The following ENTPD7 variants were observed in gnomAD, a reference collection of about 807,000 sequenced individuals.
The protein encoded by ENTPD7 is NTPDase 7.
Under a neutral mutation model 77.9 loss-of-function variants are expected in ENTPD7, and 53 were observed. The ratio of observed to expected loss-of-function variants is 0.68; its 90% CI spans 0.55 to 0.85. The LOEUF is 0.85. Among genes scored for constraint, ENTPD7 ranks in the 40% least tolerant of loss-of-function variants. ENTPD7 has a pLI of 0.00. For synonymous variants in ENTPD7, 248 were observed against 274.9 expected (o/e 0.90, Z 0.97); for missense variants, 636 against 743.7 (o/e 0.86, Z 1.68).
intron 3 of ENTPD7, among the ~76,000 whole-genome samples, chr10:99,670,000 C>T (rs570415102): frequency 3.6e-4 from 55 of 152,060 alleles, no homozygotes; most frequent in African/African-American, 1.2e-3. Flanking sequence ...CCACCCGCCT[C>T]GGCCTCCCAA....
chr10:99,704,449 T>C lies in ENTPD7; in HGVS notation c.1584-3T>C, dbSNP rs1192842086. ...CACCTACAAATTCTTAATTCTTCCC[T>C]AGGGATCTTCGGCAGGAAGGTGTCC... On this transcript the variant is annotated splice_polypyrimidine_tract_variant and splice_region_variant and intron_variant, in intron 12 of 12. Transcript: ENST00000370489. The C allele has an allele frequency of 1.2e-6, 2 of 1,614,154 alleles. No homozygotes were observed. The highest frequency in any genetic ancestry group is 1.7e-6 in the Non-Finnish European group (2 of 1,179,968).
At chr10:99,693,473 A>C (rs912517843) in intron 8 of ENTPD7, among the ~76,000 whole-genome samples, 3 of 152,218 alleles carry the variant, frequency 2.0e-5, no homozygotes, top group African/African-American at 7.2e-5. Context: ...AAACGAAGGC[A>C]TGGATCTGAT....
At chr10:99,690,665 CCT>C (rs1406419944) in intron 7 of ENTPD7, among the ~76,000 whole-genome samples, 1 of 152,040 alleles carries the variant, frequency 6.6e-6, no homozygotes, top group East Asian at 1.9e-4. Context: ...GCCTCAGCCC[CCT>C]GAGTAGTTGG....
intron 3 of ENTPD7, among the ~76,000 whole-genome samples, chr10:99,672,307 CTT>C (rs35775014): frequency 1.0e-4 from 14 of 138,630 alleles, no homozygotes; most frequent in Admixed American, 2.9e-4. Context: ...GTTACTTGAT[CTT>C]TTTTTTTTTT....
At chr10:99,700,105 G>A (rs878953560) in intron 10 of ENTPD7, among the ~76,000 whole-genome samples, 1 of 152,038 alleles carries the variant, frequency 6.6e-6, no homozygotes, top group Non-Finnish European at 1.5e-5. Context: ...CTGTTTTTCT[G>A]GAGCCCAGAG....
At chr10:99,701,424 A>C (rs1452977018) in intron 11 of ENTPD7, among the ~76,000 whole-genome samples, 1 of 151,442 alleles carries the variant, frequency 6.6e-6, no homozygotes, top group Non-Finnish European at 1.5e-5. Context: ...AGTAGCTGGG[A>C]CTATAGGCAC....
In ENTPD7 at chr10:99,661,505, C is replaced by A. The variant is rs2035486529; in HGVS notation, c.68C>A (p.Pro23Gln). 2 of 1,613,872 alleles carry A rather than the reference C, an allele frequency of 1.2e-6. No homozygotes were observed. The highest frequency in any genetic ancestry group is 1.7e-6 in the Non-Finnish European group (2 of 1,179,950). Residue 23 changes from proline (P) to glutamine (Q), a missense_variant, in exon 3 of 13, where the codon CCA (proline) becomes CAA (glutamine). Physicochemically the swap from Pro to Gln is moderately conservative, Grantham distance 76. Coordinates refer to ENST00000370489, the MANE Select transcript of ENTPD7 (RefSeq NM_020354.5). ...SWYFTVPTVS[P>Q]FLRQRVAFLG... ...TACTTCACTGTGCCCACAGTGAGTC[C>A]ATTTCTCCGTCAGCGGGTGGCATTC...
In ENTPD7 at chr10:99,710,627, G is replaced by T. The variant is rs1300998736; in HGVS notation, c.*5944G>T. The T allele has an allele frequency of 2.0e-6, 2 of 985,222 alleles. No homozygotes were observed. The highest frequency in any genetic ancestry group is 6.1e-5 in the Admixed American group (1 of 16,266). The allele number at this position is 985,222 out of a possible 1,614,324, so 61.0% of individuals were successfully genotyped here. A position where few individuals can be genotyped will look rare whatever the true frequency, so the allele number is the denominator to read the frequency against. ...AAAATGTGTGATGCATGTTAGAGAG[G>T]TGATGCATTCTCCCTTATGCAGGGA... On this transcript the variant is annotated 3_prime_UTR_variant, in exon 13 of 13. Coordinates refer to ENST00000370489, the MANE Select transcript of ENTPD7 (RefSeq NM_020354.5).
At chr10:99,677,539 A>G (rs987515266) in intron 3 of ENTPD7, among the ~76,000 whole-genome samples, 1 of 151,754 alleles carries the variant, frequency 6.6e-6, no homozygotes, top group Non-Finnish European at 1.5e-5. Flanking sequence ...TAATTTTTGT[A>G]TTTTTAGTAG....
chr10:99,677,530 A>T (rs950514571), intron 3 of ENTPD7, among the ~76,000 whole-genome samples: 1 of 151,730 alleles, frequency 6.6e-6, no homozygotes, highest in African/African-American at 2.4e-5. Flanking sequence ...ATGCCTGGCT[A>T]ATTTTTGTAT....
intron 8 of ENTPD7, among the ~76,000 whole-genome samples, chr10:99,694,780 A>G (rs893924502): frequency 3.3e-5 from 5 of 151,560 alleles, no homozygotes; most frequent in African/African-American, 1.2e-4. Context: ...CAAGTGATCC[A>G]CCCTCCTTGG....
At chr10:99,700,732 C>T in intron 10 of ENTPD7, 3 of 552,646 alleles carry the variant, frequency 5.4e-6, no homozygotes, top group Non-Finnish European at 9.7e-6. Flanking sequence ...GTCCTAACCT[C>T]AGCCCCTCTG....
intron 3 of ENTPD7, among the ~76,000 whole-genome samples, chr10:99,676,887 A>C (rs1296231920): frequency 6.6e-6 from 1 of 152,244 alleles, no homozygotes; most frequent in Non-Finnish European, 1.5e-5. Flanking sequence ...TACTCTCAGT[A>C]ATAATTTACA....
chr10:99,692,117 C>T (rs1484285026), intron 8 of ENTPD7, among the ~76,000 whole-genome samples: 1 of 152,204 alleles, frequency 6.6e-6, no homozygotes, highest in Admixed American at 6.5e-5. Flanking sequence ...GTTACACTGT[C>T]CCTAAAAACT....
intron 3 of ENTPD7, among the ~76,000 whole-genome samples, chr10:99,667,772 A>C (rs2035568116): frequency 6.6e-6 from 1 of 152,168 alleles, no homozygotes; most frequent in Non-Finnish European, 1.5e-5. Context: ...TATATCTGGC[A>C]TCTTGACAGT....
At chr10:99,690,206 C>T (rs1364809260) in intron 7 of ENTPD7, among the ~76,000 whole-genome samples, 1 of 152,138 alleles carries the variant, frequency 6.6e-6, no homozygotes, top group African/African-American at 2.4e-5. Flanking sequence ...ACTTTCTACC[C>T]TAGACCTGGC....
chr10:99,664,601 C>T (rs1475524340), intron 3 of ENTPD7, among the ~76,000 whole-genome samples: 1 of 151,920 alleles, frequency 6.6e-6, no homozygotes, highest in African/African-American at 2.4e-5. Context: ...AGGCACATGC[C>T]ACCATGCCTG....
chr10:99,684,626 A>C (rs1263023460), intron 5 of ENTPD7, among the ~76,000 whole-genome samples: 2 of 152,242 alleles, frequency 1.3e-5, no homozygotes, highest in African/African-American at 2.4e-5. Flanking sequence ...AACATTCTTC[A>C]TCAAGTAGTA....
chr10:99,708,819 C>T lies in ENTPD7; in HGVS notation c.*4136C>T, dbSNP rs1302538639. 4 of 985,386 alleles carry T rather than the reference C, an allele frequency of 4.1e-6. No individual in the cohort carries two copies. Among genetic ancestry groups the T allele is most frequent in the Non-Finnish European group, 4.8e-6 (4 of 829,910 alleles). 61.0% of individuals were successfully genotyped at this position (985,386 alleles called of 1,614,324 possible). A position where few individuals can be genotyped will look rare whatever the true frequency, so the allele number is the denominator to read the frequency against. ...TGTGCAAAGTCATAGTGACTGGCCT[C>T]CTAGCCCAACTACTTTGTCAGCTAC... On this transcript the variant is annotated 3_prime_UTR_variant, in exon 13 of 13. Coordinates refer to ENST00000370489, the MANE Select transcript of ENTPD7 (RefSeq NM_020354.5).
Sources: allele counts gnomAD v4.1 joint callset (sites outside exome capture counted in the v4.1 genomes callset), GRCh38; gene constraint gnomAD v4.1.1; transcripts MANE v1.5; gene names NCBI Gene and HGNC (gene_info 2026-07-23, HGNC 2026-07-21).